KDM2A: variants seen among roughly 807,000 people sequenced by gnomAD.
The protein encoded by KDM2A is lysine-specific demethylase 2A.
A neutral mutation model predicts 137.3 loss-of-function variants in KDM2A; 3 were observed. The observed-to-expected ratio is 0.02, with a 90% CI of 0.01 to 0.06. The LOEUF (loss-of-function observed/expected upper bound fraction) is 0.06. KDM2A is among the 10% of genes least tolerant of loss of function. The pLI is 1.00. For missense variants in KDM2A, 738 were observed against 1,510.6 expected (o/e 0.49, Z 8.48); for synonymous variants, 512 against 541.5 (o/e 0.95, Z 0.76).
chr11:67,251,666 A>G (rs957696070), intron 17 of KDM2A, among the ~76,000 whole-genome samples: 1 of 152,150 alleles, frequency 6.6e-6, no homozygotes, highest in Non-Finnish European at 1.5e-5. Flanking sequence ...GTCTGCTTTA[A>G]CAAGCGCTCC....
Position 67,119,804 on chromosome 11 carries a change from C to T in KDM2A, c.-329C>T, listed in dbSNP as rs370928737. The T allele has an allele frequency of 1.3e-5, 2 of 151,298 alleles. No homozygotes were observed. Among genetic ancestry groups the T allele is most frequent in the East Asian group, 3.9e-4 (2 of 5,132 alleles). 9.4% of individuals were successfully genotyped at this position (151,298 alleles called of 1,614,324 possible). ...CGCTGGCCTGGGGGAGGCGGGGGCG[C>T]CCCGGGCTCGGCGCCGAGGGGTCGC... On this transcript the variant is annotated 5_prime_UTR_variant, in exon 1 of 21. Transcript: ENST00000529006.
intron 15 of KDM2A, among the ~76,000 whole-genome samples, chr11:67,246,933 G>A (rs1859235190): frequency 6.7e-6 from 1 of 149,826 alleles, no homozygotes; most frequent in African/African-American, 2.5e-5. Context: ...TGAAGAACCG[G>A]GTTTTTGTTT....
At chr11:67,146,847 C>T (rs1440265058) in intron 2 of KDM2A, among the ~76,000 whole-genome samples, 5 of 152,076 alleles carry the variant, frequency 3.3e-5, no homozygotes, top group African/African-American at 1.2e-4. Flanking sequence ...TGCTTTCCTC[C>T]CTCACTTTCG....
At chr11:67,186,007 C>T in intron 5 of KDM2A, among the ~76,000 whole-genome samples, 1 of 151,966 alleles carries the variant, frequency 6.6e-6, no homozygotes, top group Non-Finnish European at 1.5e-5. Flanking sequence ...AACATTTTGA[C>T]ACCACTAAGC....
intron 2 of KDM2A, among the ~76,000 whole-genome samples, chr11:67,152,972 T>C (rs1018135960): frequency 4.0e-5 from 6 of 150,620 alleles, no homozygotes; most frequent in Non-Finnish European, 7.4e-5. Context: ...ATTCCTCTTA[T>C]AGTGTTCATG....
intron 6 of KDM2A, among the ~76,000 whole-genome samples, chr11:67,211,834 C>A (rs1858002292): frequency 1.3e-5 from 2 of 152,084 alleles, no homozygotes. Context: ...TCCCTGTGAT[C>A]TTCACAACCT....
intron 2 of KDM2A, among the ~76,000 whole-genome samples, chr11:67,178,920 G>A (rs949311864): frequency 6.6e-6 from 1 of 152,180 alleles, no homozygotes; most frequent in African/African-American, 2.4e-5. Context: ...ATATACCTAG[G>A]AGCAGAATTG....
intron 12 of KDM2A, among the ~76,000 whole-genome samples, chr11:67,234,250 T>C (rs1000476525): frequency 5.3e-5 from 8 of 152,230 alleles, no homozygotes; most frequent in Non-Finnish European, 1.0e-4. Flanking sequence ...GCTGAATCAC[T>C]GCACAGCTGG....
chr11:67,230,892 T>G (rs961134764), intron 11 of KDM2A, among the ~76,000 whole-genome samples: 1 of 152,174 alleles, frequency 6.6e-6, no homozygotes, highest in Non-Finnish European at 1.5e-5. Context: ...TTGTTAGAAT[T>G]TCAACTCCAA....
chr11:67,193,861 A>AATAC (rs759174639), intron 5 of KDM2A, among the ~76,000 whole-genome samples: 19 of 152,030 alleles, frequency 1.2e-4, no homozygotes, highest in African/African-American at 2.4e-4. Context: ...ACCCCATCTC[A>AATAC]ATACATACAT....
chr11:67,152,717 G>A (rs889181302), intron 2 of KDM2A, among the ~76,000 whole-genome samples: 1 of 152,034 alleles, frequency 6.6e-6, no homozygotes, highest in Non-Finnish European at 1.5e-5. Context: ...CCATACCAGG[G>A]ATAAGTACTT....
intron 2 of KDM2A, among the ~76,000 whole-genome samples, chr11:67,172,255 A>C (rs111273624): frequency 1.5e-4 from 23 of 152,158 alleles, no homozygotes; most frequent in African/African-American, 5.5e-4. Flanking sequence ...TGTTTTGACT[A>C]TTCTGGTTTG....
chr11:67,221,563 T>C (rs900063743), intron 10 of KDM2A, among the ~76,000 whole-genome samples: 2 of 152,186 alleles, frequency 1.3e-5, no homozygotes, highest in Non-Finnish European at 2.9e-5. Flanking sequence ...ATACACATCA[T>C]TGATATTATT....
chr11:67,153,009 C>T (rs1161138346), intron 2 of KDM2A, among the ~76,000 whole-genome samples: 4 of 145,876 alleles, frequency 2.7e-5, no homozygotes, highest in East Asian at 4.0e-4. Flanking sequence ...TTGGAGACTG[C>T]GTTTCACTCT....
intron 5 of KDM2A, among the ~76,000 whole-genome samples, chr11:67,192,919 T>C (rs1204626479): frequency 6.6e-6 from 1 of 152,174 alleles, no homozygotes; most frequent in African/African-American, 2.4e-5. Context: ...TTGAGTCAAG[T>C]AGGAGAGTGT....
intron 2 of KDM2A, among the ~76,000 whole-genome samples, chr11:67,175,664 A>G (rs928688616): frequency 6.6e-6 from 1 of 152,172 alleles, no homozygotes; most frequent in Non-Finnish European, 1.5e-5. Flanking sequence ...CTTTTTGCCT[A>G]TCATATTAGA....
intron 2 of KDM2A, among the ~76,000 whole-genome samples, chr11:67,145,448 C>T (rs1347122490): frequency 6.6e-6 from 1 of 151,812 alleles, no homozygotes; most frequent in Non-Finnish European, 1.5e-5. Flanking sequence ...TGAGATTGTG[C>T]CACTTCACTC....
In KDM2A at chr11:67,121,862, G is replaced by GA. The variant is rs544196975; in HGVS notation, c.42+506dup. On this transcript the variant is annotated intron_variant, in intron 2 of 20. Coordinates refer to ENST00000529006, the MANE Select transcript of KDM2A (RefSeq NM_012308.3). ...CTTTGAAGGGTTGTTGGGATTGATT[G>GA]AAGACAAGTAGGTAGAATACTGGAT... 3.9e-5 allele frequency among the ~76,000 whole-genome samples: 6 copies of GA among 152,276 alleles called. No individual in the cohort carries two copies. In the South Asian group the frequency reaches 1.2e-3, roughly 32 times the overall value.
At chr11:67,186,299 AC>A (rs1857205556) in intron 5 of KDM2A, among the ~76,000 whole-genome samples, 1 of 152,194 alleles carries the variant, frequency 6.6e-6, no homozygotes, top group Admixed American at 6.5e-5. Flanking sequence ...AAAATTATGA[AC>A]GAATTTCTCA....
Sources: gnomAD v4.1 joint callset for allele counts (sites outside exome capture counted in the v4.1 genomes callset) on GRCh38, gnomAD v4.1.1 for gene constraint, MANE v1.5 for transcripts, NCBI Gene and HGNC (gene_info 2026-07-23, HGNC 2026-07-21) for gene names.